Variants in DPM1 observed in about 807,000 individuals in gnomAD.
DPM1 encodes dolichol-phosphate mannosyltransferase subunit 1.
DPM1 carries 27 observed loss-of-function variants against 39.0 expected under a neutral mutation model. The observed-to-expected ratio is 0.69, with a 90% CI of 0.51 to 0.95. DPM1 has a LOEUF of 0.95. Ranked by LOEUF, DPM1 falls within the 40% of genes least tolerant of loss-of-function variation. The pLI is 0.00. For synonymous variants in DPM1, 124 were observed against 109.0 expected, an observed-to-expected ratio of 1.14 and a Z score of -0.86; for missense variants, 307 against 315.6, an observed-to-expected ratio of 0.97 and a Z score of 0.21.
chr20:50,954,218 CAATA>C (rs1483506028), intron 2 of DPM1, among the ~76,000 whole-genome samples: 2 of 151,236 alleles, frequency 1.3e-5, no homozygotes, highest in South Asian at 4.3e-4. Flanking sequence ...CTGTAAATAA[CAATA>C]AAGGTTCTCA....
chr20:50,942,245 C>T (rs559821156), intron 5 of DPM1, 119 bp from the exon 6 acceptor site: 9 of 875,674 alleles, frequency 1.0e-5, no homozygotes, highest in Admixed American at 3.7e-5. Flanking sequence ...CAGTGGCTCA[C>T]GCCTGCAATC....
chr20:50,935,555 T>C (rs961752827), intron 8 of DPM1, among the ~76,000 whole-genome samples: 6 of 152,244 alleles, frequency 3.9e-5, no homozygotes, highest in South Asian at 2.1e-4. Flanking sequence ...AAAATGGCCT[T>C]GTGCGTAGAT....
chr20:50,949,903 T>A (rs1056556799), intron 2 of DPM1, among the ~76,000 whole-genome samples: 6 of 152,280 alleles, frequency 3.9e-5, no homozygotes, highest in Admixed American at 1.3e-4. Context: ...GGCTCTTTTT[T>A]AAAAAATCCA....
intron 6 of DPM1, chr20:50,941,227 A>AAT (rs58694792): frequency 0.12 from 7,391 of 60,936 alleles, 602 homozygotes; most frequent in Non-Finnish European, 0.15. Flanking sequence ...AAAAAAAGTG[A>AAT]ATATATATAT....
At chr20:50,939,789 T>C (rs1307095082) in intron 7 of DPM1, among the ~76,000 whole-genome samples, 1 of 152,116 alleles carries the variant, frequency 6.6e-6, no homozygotes, top group Middle Eastern at 3.2e-3. Flanking sequence ...AATTTTTGTA[T>C]TTTTAGTAGA....
intron 2 of DPM1, among the ~76,000 whole-genome samples, chr20:50,950,761 T>A (rs1199644581): frequency 6.6e-6 from 1 of 151,962 alleles, no homozygotes; most frequent in Non-Finnish European, 1.5e-5. Context: ...TCCCAGCTAC[T>A]CAGGAGGCTG....
intron 1 of DPM1, among the ~76,000 whole-genome samples, chr20:50,956,516 A>G (rs1986828311): frequency 6.7e-6 from 1 of 149,118 alleles, no homozygotes; most frequent in Non-Finnish European, 1.5e-5. Flanking sequence ...ACAGAGCAAG[A>G]CTCCGTCTCC....
chr20:50,955,344 T>A, intron 1 of DPM1, 59 bp from the exon 2 acceptor site: 1 of 1,241,404 alleles, frequency 8.1e-7, no homozygotes, highest in Non-Finnish European at 1.2e-6. Context: ...TTAAAAGTAA[T>A]TTAAAAATTA....
chr20:50,938,879 T>G (rs1368864884), intron 7 of DPM1, among the ~76,000 whole-genome samples: 2 of 151,568 alleles, frequency 1.3e-5, no homozygotes, highest in African/African-American at 4.8e-5. Context: ...CTCGGGAGGC[T>G]GAGGCAGGAG....
intron 7 of DPM1, among the ~76,000 whole-genome samples, chr20:50,939,023 T>C (rs1288317171): frequency 6.6e-6 from 1 of 152,138 alleles, no homozygotes; most frequent in Non-Finnish European, 1.5e-5. Context: ...AGGTTCACTT[T>C]TGTCTGTTTG....
intron 5 of DPM1, among the ~76,000 whole-genome samples, chr20:50,943,736 G>A (rs1396717363): frequency 1.5e-5 from 2 of 130,372 alleles, no homozygotes; most frequent in East Asian, 4.6e-4. Flanking sequence ...AATGAAGCCT[G>A]AGTATTTTTT....
chr20:50,946,977 G>A (rs903924353), intron 3 of DPM1, among the ~76,000 whole-genome samples: 3 of 152,180 alleles, frequency 2.0e-5, no homozygotes, highest in African/African-American at 4.8e-5. Context: ...GGGAGGCCGA[G>A]GCAGGCGGAT....
intron 2 of DPM1, among the ~76,000 whole-genome samples, chr20:50,952,204 T>C (rs571793203): frequency 2.2e-4 from 33 of 152,330 alleles, no homozygotes; most frequent in African/African-American, 7.7e-4. Flanking sequence ...ATGACAGGCA[T>C]ATACTTTTTG....
At chr20:50,951,908 T>C (rs1475312033) in intron 2 of DPM1, among the ~76,000 whole-genome samples, 1 of 152,216 alleles carries the variant, frequency 6.6e-6, no homozygotes, top group Non-Finnish European at 1.5e-5. Context: ...AAATCCAAAC[T>C]ATTTCTATTT....
chr20:50,950,952 A>AC (rs1315024231), intron 2 of DPM1, among the ~76,000 whole-genome samples: 2 of 152,126 alleles, frequency 1.3e-5, no homozygotes, highest in Non-Finnish European at 2.9e-5. Context: ...ACTTTCTAAG[A>AC]CCCCCAGGAG....
chr20:50,956,526 C>T (rs1373271467), intron 1 of DPM1, among the ~76,000 whole-genome samples: 2 of 122,966 alleles, frequency 1.6e-5, no homozygotes, highest in Non-Finnish European at 1.7e-5. Context: ...ACTCCGTCTC[C>T]AAAAGAAAAA....
At chr20:50,937,412 T>C (rs1418005997) in intron 7 of DPM1, among the ~76,000 whole-genome samples, 1 of 152,142 alleles carries the variant, frequency 6.6e-6, no homozygotes, top group African/African-American at 2.4e-5. Flanking sequence ...GCAATATTTA[T>C]TCAATAATAA....
At chr20:50,947,834 G>A (rs1986376608) in intron 3 of DPM1, among the ~76,000 whole-genome samples, 1 of 151,870 alleles carries the variant, frequency 6.6e-6, no homozygotes, top group Non-Finnish European at 1.5e-5. Context: ...TTACCATGTT[G>A]GCCAGGATGG....
intron 1 of DPM1, among the ~76,000 whole-genome samples, chr20:50,958,119 G>A (rs541072671): frequency 4.6e-5 from 7 of 152,342 alleles, no homozygotes; most frequent in South Asian, 2.1e-4. Context: ...GGGGACGGGA[G>A]TACTACATAA....
Sources: gnomAD v4.1 joint callset for allele counts (sites outside exome capture counted in the v4.1 genomes callset) on GRCh38, gnomAD v4.1.1 for gene constraint, MANE v1.5 for transcripts, NCBI Gene and HGNC (gene_info 2026-07-23, HGNC 2026-07-21) for gene names.